ERBB4: variants seen among roughly 807,000 people sequenced by gnomAD.
ERBB4 encodes the protein erb-b2 receptor tyrosine kinase 4, also known as receptor tyrosine-protein kinase erbB-4.
ERBB4 carries 42 observed loss-of-function variants against 158.0 expected under a neutral mutation model. The observed-to-expected ratio is 0.27, with a 90% confidence interval of 0.21 to 0.34. The LOEUF (loss-of-function observed/expected upper bound fraction) is 0.34. Ranked by LOEUF, ERBB4 falls within the 10% of genes least tolerant of loss-of-function variation. The pLI is 1.00. For missense variants in ERBB4, 1,333 were observed against 1,624.1 expected (o/e 0.82, Z 3.08); for synonymous variants, 583 against 558.7 (o/e 1.04, Z -0.61).
intron 1 of ERBB4, among the ~76,000 whole-genome samples, chr2:212,346,526 G>A (rs1176995866): frequency 1.3e-5 from 2 of 151,966 alleles, no homozygotes; most frequent in African/African-American, 2.4e-5. Context: ...TTTAAAACAT[G>A]AAATGTTTTA....
chr2:211,809,798 A>G (rs2076707050), intron 3 of ERBB4, among the ~76,000 whole-genome samples: 1 of 151,950 alleles, frequency 6.6e-6, no homozygotes, highest in South Asian at 2.1e-4. Context: ...TTGATTTTAG[A>G]TCTTTCCTGC....
chr2:212,127,330 T>C (rs139302075), intron 1 of ERBB4, among the ~76,000 whole-genome samples: 2,456 of 152,268 alleles, frequency 0.016, 38 homozygotes, highest in Admixed American at 0.033. Flanking sequence ...CAGCGGCTCA[T>C]GCCTGTAATC....
At chr2:212,462,968 G>C (rs1346732805) in intron 1 of ERBB4, among the ~76,000 whole-genome samples, 3 of 152,050 alleles carry the variant, frequency 2.0e-5, no homozygotes, top group Non-Finnish European at 2.9e-5. Context: ...GGATGAGCCA[G>C]GAAGAAATTA....
At chr2:212,204,893 A>G (rs1168707413) in intron 1 of ERBB4, among the ~76,000 whole-genome samples, 1 of 143,030 alleles carries the variant, frequency 7.0e-6, no homozygotes, top group Non-Finnish European at 1.5e-5. Flanking sequence ...ATCTCGGCTC[A>G]CCACAACCTC....
chr2:212,001,011 A>T (rs936114021), intron 2 of ERBB4, among the ~76,000 whole-genome samples: 1 of 152,052 alleles, frequency 6.6e-6, no homozygotes. Context: ...TGTTACAAAC[A>T]CTTAGAACTC....
At chr2:211,721,470 GTC>G (rs2074091298) in intron 7 of ERBB4, among the ~76,000 whole-genome samples, 1 of 69,602 alleles carries the variant, frequency 1.4e-5, no homozygotes, top group Non-Finnish European at 2.7e-5. Context: ...AAAAAATAGA[GTC>G]AAGTAAATAT....
chr2:211,551,227 G>T (rs917878581), intron 20 of ERBB4, among the ~76,000 whole-genome samples: 1 of 152,092 alleles, frequency 6.6e-6, no homozygotes, highest in African/African-American at 2.4e-5. Context: ...CATCAAATTA[G>T]ATTCATGCCG....
At chr2:211,773,639 TATATATATAA>T (rs1559506452) in intron 4 of ERBB4, among the ~76,000 whole-genome samples, 3 of 86,854 alleles carry the variant, frequency 3.5e-5, no homozygotes, top group South Asian at 4.9e-4. Flanking sequence ...TATATATATA[TATATATATAA>T]TATATATACA....
At chr2:212,442,754 T>C (rs2092280424) in intron 1 of ERBB4, among the ~76,000 whole-genome samples, 1 of 152,168 alleles carries the variant, frequency 6.6e-6, no homozygotes, top group South Asian at 2.1e-4. Context: ...AGGGCCATTA[T>C]GGTGGGAAAG....
In ERBB4 at chr2:211,788,046, A is replaced by G. The variant is rs1473875182; in HGVS notation, c.535T>C (p.Ser179Pro). ...NPWPSNLTLV[S>P]TNGSSGCGRC... ...TTACATCCTGAACTACCATTTGTTG[A>G]CACAAGAGTCAAGTTGGAAGGCCAT... Residue 179 changes from serine (S) to proline (P), a missense_variant, in exon 4 of 28, where the codon TCA becomes CCA. By Grantham distance (74) the Ser-to-Pro change is moderately conservative. Transcript: ENST00000342788. 1.9e-6 allele frequency: 3 copies of G among 1,613,546 alleles called. No homozygotes were observed. The African/African-American group carries it at 4.0e-5, about 22-fold the overall frequency.
At chr2:212,395,870 G>A (rs1257150929) in intron 1 of ERBB4, among the ~76,000 whole-genome samples, 1 of 152,028 alleles carries the variant, frequency 6.6e-6, no homozygotes. Flanking sequence ...GCCTGCCTCG[G>A]CCTCCCAAAG....
chr2:212,216,814 T>G (rs1294687694), intron 1 of ERBB4, among the ~76,000 whole-genome samples: 4 of 151,364 alleles, frequency 2.6e-5, no homozygotes, highest in Non-Finnish European at 5.9e-5. Flanking sequence ...TATAAAATTC[T>G]CAGCTCTCAA....
At chr2:211,972,586 C>A (rs546804840) in intron 2 of ERBB4, among the ~76,000 whole-genome samples, 36 of 151,770 alleles carry the variant, frequency 2.4e-4, no homozygotes, top group Non-Finnish European at 4.6e-4. Flanking sequence ...AATAGAGAAC[C>A]CAGAAAAAAG....
chr2:212,009,794 C>T (rs1353158453), intron 2 of ERBB4, among the ~76,000 whole-genome samples: 1 of 152,022 alleles, frequency 6.6e-6, no homozygotes, highest in Admixed American at 6.5e-5. Context: ...CAGTTTTTCA[C>T]CCCCATCTCT....
chr2:211,742,908 G>A (rs899854859), intron 5 of ERBB4, among the ~76,000 whole-genome samples: 13 of 151,846 alleles, frequency 8.6e-5, no homozygotes, highest in African/African-American at 2.9e-4. Flanking sequence ...AACCTGGCAA[G>A]TTCTATTACT....
chr2:211,764,658 T>A (rs958624201), intron 4 of ERBB4, among the ~76,000 whole-genome samples: 1 of 152,088 alleles, frequency 6.6e-6, no homozygotes, highest in African/African-American at 2.4e-5. Context: ...AAAAATACTA[T>A]CTCCGGAGCC....
At position 211,766,724 on chromosome 2, in the gene ERBB4, C is replaced by A. The variant is rs148046966; in HGVS notation, c.557-16020G>T. ...GGTCTGAAGGCAGGGAACCTAACGCCGATCTGTGCTGATTTCCTAGAATGG... is the reference window on the plus strand; with the variant it reads ...GGTCTGAAGGCAGGGAACCTAACGCAGATCTGTGCTGATTTCCTAGAATGG... On this transcript the variant is annotated intron_variant, in intron 4 of 27. Transcript: ENST00000342788. Among the ~76,000 whole-genome samples, 607 of 152,200 alleles carry A rather than the reference C, an allele frequency of 4.0e-3. 4 individuals carry two copies. Among genetic ancestry groups the A allele is most frequent in the Non-Finnish European group, 6.3e-3 (431 of 68,010 alleles).
At chr2:211,623,835 T>C (rs890786951) in intron 18 of ERBB4, 87 bp downstream of exon 18, 50 of 1,287,844 alleles carry the variant, frequency 3.9e-5, no homozygotes, top group Admixed American at 9.6e-5. Flanking sequence ...GAAAATTAGG[T>C]TGTCTAAAGT....
At chr2:211,864,478 A>G (rs1268722304) in intron 3 of ERBB4, among the ~76,000 whole-genome samples, 1 of 152,210 alleles carries the variant, frequency 6.6e-6, no homozygotes, top group Non-Finnish European at 1.5e-5. Context: ...GAAAGTCTGT[A>G]AACTGCCCCA....
Sources: gnomAD v4.1 joint callset for allele counts (sites outside exome capture counted in the v4.1 genomes callset) on GRCh38, gnomAD v4.1.1 for gene constraint, MANE v1.5 for transcripts, NCBI Gene and HGNC (gene_info 2026-07-23, HGNC 2026-07-21) for gene names.